Variants in SNX25 observed in about 807,000 individuals in gnomAD.
SNX25 encodes sorting nexin-25.
A neutral mutation model predicts 113.7 loss-of-function variants in SNX25; 62 were observed. That is an observed-to-expected ratio of 0.55 (90% CI 0.44 to 0.67). SNX25 has a LOEUF of 0.67. Ranked by LOEUF, SNX25 falls within the 30% of genes least tolerant of loss-of-function variation. SNX25 has a pLI of 0.00. For missense variants in SNX25, 1,014 were observed against 1,161.0 expected (o/e 0.87, Z 1.84); for synonymous variants, 421 against 436.2 (o/e 0.97, Z 0.43).
At chr4:185,317,744 A>T (rs143820470) in intron 7 of SNX25, among the ~76,000 whole-genome samples, 1 of 152,098 alleles carries the variant, frequency 6.6e-6, no homozygotes, top group South Asian at 2.1e-4. Context: ...ATGAGAACAC[A>T]TGGACACAGG....
intron 6 of SNX25, among the ~76,000 whole-genome samples, chr4:185,309,879 AGCCTTTCTCTGGCCTGAAAGGCTGT>A (rs1223418577): frequency 1.3e-5 from 2 of 152,222 alleles, no homozygotes; most frequent in Non-Finnish European, 2.9e-5. Context: ...TTTGGGCTAG[AGCCTTTCTCTGGCCTGAAAGGCTGT>A]GCACCTCATG....
At chr4:185,216,583 A>G (rs1194516890) in intron 1 of SNX25, among the ~76,000 whole-genome samples, 1 of 146,342 alleles carries the variant, frequency 6.8e-6, no homozygotes, top group Non-Finnish European at 1.5e-5. Flanking sequence ...GCAGTGGCAC[A>G]ATCTCAGCTC....
intron 6 of SNX25, among the ~76,000 whole-genome samples, chr4:185,299,557 A>G (rs1255362318): frequency 6.6e-6 from 1 of 152,174 alleles, no homozygotes; most frequent in Non-Finnish European, 1.5e-5. Context: ...TCCAGGAATC[A>G]CACTGAGAAC....
In SNX25 at chr4:185,334,112, G is replaced by A. The variant is rs546370452; in HGVS notation, c.1914+1353G>A. 7.3e-4 allele frequency among the ~76,000 whole-genome samples: 111 copies of A among 152,034 alleles called. No individual in the cohort carries two copies. The highest frequency in any genetic ancestry group is 3.5e-3 in the Admixed American group (53 of 15,288). On this transcript the variant is annotated intron_variant, in intron 10 of 18. Coordinates refer to ENST00000652585, the MANE Select transcript of SNX25 (RefSeq NM_001378034.2). This position sits in a 1 kb window ranked among gnomAD's most constrained non-coding sequence, Gnocchi z 4.2. ...CCAGCACTTTAGGAGGCCGAGGCGG[G>A]TGGATCACTTGAGGTCAGGAGCTCG...
At chr4:185,216,050 G>C (rs147172772) in intron 1 of SNX25, among the ~76,000 whole-genome samples, 3 of 152,228 alleles carry the variant, frequency 2.0e-5, no homozygotes, top group East Asian at 3.9e-4. Context: ...ACCCGTCTTG[G>C]CCTCCCAAAG....
In SNX25 at chr4:185,210,304, C is replaced by T; in HGVS notation, c.429+49C>T. On this transcript the variant is annotated intron_variant, in intron 1 of 18. Coordinates refer to ENST00000652585, the MANE Select transcript of SNX25 (RefSeq NM_001378034.2). The surrounding 1 kb of genome is among the most constrained non-coding windows in gnomAD (Gnocchi z 4.4). ...CCAGCTCCGCCGGCCCTCCCCGCTT[C>T]CGGTGCCAGCTCCCGCGCCCCGAGC... 1.0e-6 allele frequency: 1 copy of T among 984,690 alleles called. No homozygotes were observed. Among genetic ancestry groups the T allele is most frequent in the Non-Finnish European group, 1.2e-6 (1 of 829,768 alleles). The allele number at this position is 984,690 out of a possible 1,614,324, so 61.0% of individuals were successfully genotyped here. A position where few individuals can be genotyped will look rare whatever the true frequency, so the allele number is the denominator to read the frequency against.
chr4:185,322,800 C>T (rs1254833558), intron 8 of SNX25, among the ~76,000 whole-genome samples: 1 of 152,078 alleles, frequency 6.6e-6, no homozygotes, highest in African/African-American at 2.4e-5. Context: ...TCGAAATAGC[C>T]TTATTTTGAT....
intron 2 of SNX25, among the ~76,000 whole-genome samples, chr4:185,255,045 T>C (rs1242235678): frequency 1.3e-5 from 2 of 152,194 alleles, no homozygotes; most frequent in African/African-American, 4.8e-5. Flanking sequence ...CCGTAGGGTA[T>C]GTTTTAAAGT....
chr4:185,331,364 G>A (rs953722548), intron 9 of SNX25, among the ~76,000 whole-genome samples: 2 of 152,156 alleles, frequency 1.3e-5, no homozygotes, highest in Non-Finnish European at 1.5e-5. Context: ...TACTTTTGAA[G>A]ATGATAATAC....
In SNX25 at chr4:185,313,532, A is replaced by G. The variant is rs564473907; in HGVS notation, c.1344+2716A>G. Among the ~76,000 whole-genome samples, 103 of 152,358 alleles carry G rather than the reference A, an allele frequency of 6.8e-4. 1 individual carries two copies. The highest frequency in any genetic ancestry group is 1.2e-3 in the Non-Finnish European group (83 of 68,034). ...GGAAAATTCCCAAATATTTGGTAGC[A>G]TATCTAAATAAGGCTTCCATCAAAG... On this transcript the variant is annotated intron_variant, in intron 7 of 18. Coordinates refer to ENST00000652585, the MANE Select transcript of SNX25 (RefSeq NM_001378034.2).
chr4:185,256,782 C>T (rs903518170), intron 2 of SNX25, among the ~76,000 whole-genome samples: 1 of 151,744 alleles, frequency 6.6e-6, no homozygotes, highest in Non-Finnish European at 1.5e-5. Context: ...CACCACCACA[C>T]CCGGCTAATT....
chr4:185,361,105 A>G (rs1001119232), intron 16 of SNX25, among the ~76,000 whole-genome samples: 5 of 151,970 alleles, frequency 3.3e-5, no homozygotes, highest in African/African-American at 1.2e-4. Context: ...TTTGAAAGGG[A>G]CTATCTTTTT....
intron 1 of SNX25, among the ~76,000 whole-genome samples, chr4:185,213,819 A>G (rs3108286): frequency 0.021 from 3,206 of 152,304 alleles, 109 homozygotes; most frequent in African/African-American, 0.069. Flanking sequence ...GGAAAAGAGG[A>G]CACCATTTCT....
intron 6 of SNX25, among the ~76,000 whole-genome samples, chr4:185,305,819 A>G (rs1754386609): frequency 1.3e-5 from 2 of 152,292 alleles, no homozygotes; most frequent in Non-Finnish European, 2.9e-5. Context: ...ATTGCTTTGG[A>G]ATATTATAGG....
chr4:185,281,143 C>T (rs575722421), intron 5 of SNX25, among the ~76,000 whole-genome samples: 1 of 152,196 alleles, frequency 6.6e-6, no homozygotes, highest in East Asian at 1.9e-4. Flanking sequence ...TTTTGTTGGA[C>T]TAGAGTGATC....
chr4:185,272,495 T>C (rs1749084702), intron 5 of SNX25, among the ~76,000 whole-genome samples: 1 of 152,220 alleles, frequency 6.6e-6, no homozygotes, highest in Non-Finnish European at 1.5e-5. Flanking sequence ...ATTTGTAAAC[T>C]GTGTGCTAAT....
intron 1 of SNX25, among the ~76,000 whole-genome samples, chr4:185,239,343 C>T (rs56234993): frequency 0.06 from 9,157 of 152,010 alleles, 317 homozygotes; most frequent in East Asian, 0.14. Flanking sequence ...ATTAGCCGGG[C>T]GTGGTGGTGG....
At chr4:185,234,681 C>CAAA (rs369613640) in intron 1 of SNX25, among the ~76,000 whole-genome samples, 1 of 16,170 alleles carries the variant, frequency 6.2e-5, no homozygotes. Flanking sequence ...GACTCTGTCT[C>CAAA]AAAAAAAAAA....
intron 2 of SNX25, among the ~76,000 whole-genome samples, chr4:185,248,615 C>G (rs530145309): frequency 1.3e-5 from 2 of 151,690 alleles, no homozygotes; most frequent in Non-Finnish European, 1.5e-5. Context: ...ATTGCACCAC[C>G]GCACTCCAGC....
Sources: gnomAD v4.1 joint callset for allele counts (sites outside exome capture counted in the v4.1 genomes callset) on GRCh38, gnomAD v4.1.1 for gene constraint, Gnocchi (gnomAD v3.1) non-coding constraint, MANE v1.5 for transcripts, NCBI Gene and HGNC (gene_info 2026-07-23, HGNC 2026-07-21) for gene names.